The following QRFPR variants were observed in gnomAD, a reference collection of about 807,000 sequenced individuals.
The protein encoded by QRFPR is pyroglutamylated RF-amide peptide receptor.
Under a neutral mutation model 31.3 loss-of-function variants are expected in QRFPR, and 37 were observed. The observed-to-expected ratio is 1.18, with a 90% CI of 0.91 to 1.56. The LOEUF (loss-of-function observed/expected upper bound fraction) is 1.56, where lower values mean the gene tolerates loss of function less well. QRFPR is among the 40% of genes most tolerant of loss of function. The probability of loss-of-function intolerance (pLI) is 0.00; values close to 1 mark genes in which losing one functional copy is unlikely to be tolerated. For missense variants in QRFPR, 542 were observed against 532.5 expected (o/e 1.02, Z -0.18); for synonymous variants, 197 against 192.0 (o/e 1.03, Z -0.22).
intron 1 of QRFPR, 114 bp downstream of exon 1, chr4:121,380,193 GA>G (rs1318504146): frequency 1.8e-4 from 34 of 188,560 alleles, no homozygotes; most frequent in Non-Finnish European, 1.3e-4. Flanking sequence ...AGAGGAGAGA[GA>G]GAGAGAGAGA....
intron 1 of QRFPR, among the ~76,000 whole-genome samples, chr4:121,371,955 G>A (rs1004298738): frequency 6.6e-6 from 1 of 152,218 alleles, no homozygotes; most frequent in Admixed American, 6.5e-5. Flanking sequence ...GGAAGACACT[G>A]AGCCTTGAAG....
intron 3 of QRFPR, among the ~76,000 whole-genome samples, chr4:121,335,974 C>T (rs4447882): frequency 0.92 from 139,325 of 152,206 alleles, 63,850 homozygotes; most frequent in East Asian, 1. Flanking sequence ...GCTCATTCAA[C>T]AAATTAGTTA....
chr4:121,374,520 C>T (rs993251612), intron 1 of QRFPR, among the ~76,000 whole-genome samples: 1 of 152,162 alleles, frequency 6.6e-6, no homozygotes. Flanking sequence ...GTGCTGTCAG[C>T]ATTTACACTA....
chr4:121,374,617 C>G (rs1442511074), intron 1 of QRFPR, among the ~76,000 whole-genome samples: 2 of 152,062 alleles, frequency 1.3e-5, no homozygotes, highest in African/African-American at 4.8e-5. Flanking sequence ...ATAATCAGAC[C>G]AATTAAATCA....
chr4:121,376,121 C>G (rs35870436), intron 1 of QRFPR, among the ~76,000 whole-genome samples: 24,552 of 152,146 alleles, frequency 0.16, 2,529 homozygotes, highest in Non-Finnish European at 0.24. Context: ...AGAGACAAAA[C>G]TTTCCTAAAG....
At chr4:121,374,057 G>A (rs1726303740) in intron 1 of QRFPR, among the ~76,000 whole-genome samples, 1 of 152,176 alleles carries the variant, frequency 6.6e-6, no homozygotes, top group Admixed American at 6.5e-5. Flanking sequence ...GGTGAGGTGT[G>A]CTAATTTATA....
At position 121,329,447 on chromosome 4, in the gene QRFPR, CCTT is replaced by C; in HGVS notation, c.1160_1162del (p.Lys387_Gly388delinsArg). 4 of 1,614,152 alleles carry C rather than the reference CCTT, an allele frequency of 2.5e-6. No individual in the cohort carries two copies. Among genetic ancestry groups the C allele is most frequent in the Non-Finnish European group, 3.4e-6 (4 of 1,180,020 alleles). ...AATGTTGCCATCACTGAATGCTTCT[CCTT>C]TGGTTTCCTCCACTGGATTCTCTCT... On this transcript the variant is annotated inframe_deletion, in exon 6 of 6. Transcript: ENST00000394427.
intron 1 of QRFPR, among the ~76,000 whole-genome samples, 185 bp from the exon 2 acceptor site, chr4:121,340,795 TG>T (rs1464481540): frequency 1.3e-5 from 2 of 152,184 alleles, no homozygotes; most frequent in African/African-American, 4.8e-5. Flanking sequence ...TCCCTCTAAC[TG>T]AACTTTATGT....
chr4:121,366,067 G>A (rs1357618307), intron 1 of QRFPR, among the ~76,000 whole-genome samples: 1 of 149,026 alleles, frequency 6.7e-6, no homozygotes, highest in Admixed American at 6.7e-5. Context: ...ACCTGAGTTC[G>A]AGGGGTGGAA....
chr4:121,352,270 C>T (rs560355761), intron 1 of QRFPR, among the ~76,000 whole-genome samples: 4 of 152,222 alleles, frequency 2.6e-5, no homozygotes, highest in African/African-American at 9.6e-5. Context: ...ATAAATGCCA[C>T]AGCTGAATGA....
chr4:121,336,742 AT>A, intron 3 of QRFPR, 64 bp downstream of exon 3: 1 of 1,302,266 alleles, frequency 7.7e-7, no homozygotes. Flanking sequence ...AAGGAAAATA[AT>A]TACAATTAAG....
intron 1 of QRFPR, among the ~76,000 whole-genome samples, chr4:121,353,108 A>G (rs1471716619): frequency 1.3e-5 from 2 of 152,058 alleles, no homozygotes; most frequent in Non-Finnish European, 2.9e-5. Context: ...TTCTTTATCA[A>G]TTCATCCATT....
At chr4:121,370,330 G>T in intron 1 of QRFPR, 1 of 761,998 alleles carries the variant, frequency 1.3e-6, no homozygotes, top group Non-Finnish European at 2.4e-6. Flanking sequence ...GGCACTTCTG[G>T]TTGTCTTGAA....
At chr4:121,375,702 A>G (rs573189508) in intron 1 of QRFPR, among the ~76,000 whole-genome samples, 70 of 152,352 alleles carry the variant, frequency 4.6e-4, no homozygotes, top group African/African-American at 1.7e-3. Flanking sequence ...GCAGAAATTG[A>G]TGATGAAAGA....
intron 1 of QRFPR, among the ~76,000 whole-genome samples, chr4:121,349,696 T>G (rs572586082): frequency 1.6e-3 from 241 of 152,282 alleles, no homozygotes; most frequent in African/African-American, 5.4e-3. Context: ...AAATTAAACA[T>G]CTACCAGATT....
chr4:121,355,922 A>G (rs1725860617), intron 1 of QRFPR, among the ~76,000 whole-genome samples: 1 of 152,122 alleles, frequency 6.6e-6, no homozygotes, highest in Admixed American at 6.6e-5. Flanking sequence ...GTCAGAGAAG[A>G]TACTTGATAT....
intron 1 of QRFPR, among the ~76,000 whole-genome samples, chr4:121,350,301 C>T (rs555091481): frequency 6.6e-6 from 1 of 152,256 alleles, no homozygotes; most frequent in East Asian, 1.9e-4. Flanking sequence ...TCACAGTCCA[C>T]CAAGTTCAAG....
intron 1 of QRFPR, among the ~76,000 whole-genome samples, chr4:121,374,604 A>G (rs1208057583): frequency 6.6e-6 from 1 of 152,186 alleles, no homozygotes; most frequent in Non-Finnish European, 1.5e-5. Context: ...CTCCATACCA[A>G]TTATAATCAG....
In QRFPR at chr4:121,380,773, G is replaced by T; in HGVS notation, c.-126C>A. On this transcript the variant is annotated 5_prime_UTR_variant, in exon 1 of 6. Transcript: ENST00000394427. ...CCCTTCCTCTACTCTGGAGTCAGCC[G>T]CGCGGGAGGGCTCTAGGCTGCACCC... 1 of 829,280 alleles carries T rather than the reference G, an allele frequency of 1.2e-6. No homozygotes were observed. Among genetic ancestry groups the T allele is most frequent in the Non-Finnish European group, 1.8e-6 (1 of 542,646 alleles). 51.4% of individuals were successfully genotyped at this position (829,280 alleles called of 1,614,324 possible). A position where few individuals can be genotyped will look rare whatever the true frequency, so the allele number is the denominator to read the frequency against.
Sources: gnomAD v4.1 joint callset for allele counts (sites outside exome capture counted in the v4.1 genomes callset) on GRCh38, gnomAD v4.1.1 for gene constraint, MANE v1.5 for transcripts, NCBI Gene and HGNC (gene_info 2026-07-23, HGNC 2026-07-21) for gene names.